The following HRH1 variants were observed in gnomAD, a reference collection of about 807,000 sequenced individuals.
HRH1 encodes histamine H1 receptor.
Under a neutral mutation model 10.3 loss-of-function variants are expected in HRH1, and 6 were observed. The ratio of observed to expected loss-of-function variants is 0.58; its 90% CI spans 0.32 to 1.15. The LOEUF (loss-of-function observed/expected upper bound fraction) is 1.15. HRH1 is among the 50% of genes most tolerant of loss of function. HRH1 has a pLI of 0.05. For synonymous variants in HRH1, 242 were observed against 236.7 expected (o/e 1.02, Z -0.21); for missense variants, 514 against 615.3 (o/e 0.84, Z 1.74).
intron 1 of HRH1, among the ~76,000 whole-genome samples, chr3:11,146,996 A>G (rs1266099484): frequency 6.6e-6 from 1 of 152,210 alleles, no homozygotes; most frequent in Non-Finnish European, 1.5e-5. Context: ...GATAAACCCC[A>G]AAGAAGTAGG....
Position 11,262,676 on chromosome 3 carries a change from A to G in HRH1, c.*2175A>G, listed in dbSNP as rs1939987794. 6.0e-6 allele frequency: 1 copy of G among 167,096 alleles called. No individual in the cohort carries two copies. Among genetic ancestry groups the G allele is most frequent in the South Asian group, 2.1e-4 (1 of 4,830 alleles). 10.4% of individuals were successfully genotyped at this position (167,096 alleles called of 1,614,324 possible). Reference sequence around the variant, plus strand: ...CACACAGACAAGTGGCTAAGTGTCCATTATTTACCTTGAACAATCAAGGCA... The same window carrying G: ...CACACAGACAAGTGGCTAAGTGTCCGTTATTTACCTTGAACAATCAAGGCA... On this transcript the variant is annotated 3_prime_UTR_variant, in exon 2 of 2. Transcript: ENST00000431010.
chr3:11,246,860 A>G (rs1385546491), intron 1 of HRH1, among the ~76,000 whole-genome samples: 1 of 152,064 alleles, frequency 6.6e-6, no homozygotes, highest in Non-Finnish European at 1.5e-5. Context: ...AGTCTGGGCA[A>G]TACAGTGAGA....
Position 11,195,948 on chromosome 3 carries a change from T to A in HRH1, c.-36+41394T>A, listed in dbSNP as rs1195267028. On this transcript the variant is annotated intron_variant, in intron 1 of 1. Transcript: ENST00000431010. ...TGGCAGAAAGCAGCCAGCAACAGCT[T>A]TCGAGTTTTATGCCCCCCAGGAAGA... 2.0e-5 allele frequency among the ~76,000 whole-genome samples: 3 copies of A among 152,182 alleles called. No homozygotes were observed. The East Asian group carries it at 5.8e-4, about 29-fold the overall frequency.
At chr3:11,212,384 C>T (rs1938356956) in intron 1 of HRH1, among the ~76,000 whole-genome samples, 1 of 152,150 alleles carries the variant, frequency 6.6e-6, no homozygotes, top group East Asian at 1.9e-4. Flanking sequence ...TCATTGCAGA[C>T]GTTGGCTTTT....
At chr3:11,227,432 G>T (rs750422749) in intron 1 of HRH1, among the ~76,000 whole-genome samples, 1 of 151,824 alleles carries the variant, frequency 6.6e-6, no homozygotes, top group Non-Finnish European at 1.5e-5. Context: ...GATTACAGGC[G>T]CCCGCCACCA....
At chr3:11,176,014 A>C (rs1308117729) in intron 1 of HRH1, among the ~76,000 whole-genome samples, 1 of 152,026 alleles carries the variant, frequency 6.6e-6, no homozygotes, top group Admixed American at 6.6e-5. Context: ...ATAAATAAAT[A>C]AATACAAAAT....
At chr3:11,237,955 C>T (rs1211870488) in intron 1 of HRH1, among the ~76,000 whole-genome samples, 1 of 152,116 alleles carries the variant, frequency 6.6e-6, no homozygotes, top group Non-Finnish European at 1.5e-5. Flanking sequence ...GGATTGTAGG[C>T]GTGAGCCACT....
intron 1 of HRH1, among the ~76,000 whole-genome samples, chr3:11,165,220 T>G (rs1937007705): frequency 6.6e-6 from 1 of 152,218 alleles, no homozygotes; most frequent in Non-Finnish European, 1.5e-5. Flanking sequence ...CAAGGTATGA[T>G]GCTTGCTGCC....
At position 11,259,997 on chromosome 3, in the gene HRH1, C is replaced by A. The variant is rs1477335045; in HGVS notation, c.960C>A (p.Asp320Glu). The change falls in exon 2 of 2, where the codon GAC becomes GAA. Residue 320 changes from aspartate to glutamate, a missense_variant. Physicochemically the swap from Asp to Glu is conservative, Grantham distance 45. Transcript: ENST00000431010. The surrounding 1 kb of genome is among the most constrained non-coding windows in gnomAD (Gnocchi z 4.6). ...MQAAAEGSSR[D>E]YVAVNRSHGQ... ...CTGCGGCAGAGGGGAGTAGCAGGGA[C>A]TATGTAGCCGTCAACCGGAGCCATG... is the stretch of plus-strand genomic sequence containing the variant. 1.2e-6 allele frequency: 2 copies of A among 1,614,004 alleles called. No homozygotes were observed. The highest frequency in any genetic ancestry group is 2.7e-5 in the African/African-American group (2 of 74,900).
intron 1 of HRH1, among the ~76,000 whole-genome samples, chr3:11,212,821 C>T (rs984900885): frequency 8.7e-5 from 13 of 148,910 alleles, no homozygotes; most frequent in Non-Finnish European, 1.7e-4. Context: ...GCCATGACCA[C>T]GAGGCCCTCC....
intron 1 of HRH1, chr3:11,226,581 A>G (rs1477535512): frequency 6.6e-6 from 1 of 152,134 alleles, no homozygotes; most frequent in African/African-American, 2.4e-5. Context: ...TTGGACTTGA[A>G]TTTCTTTTTA....
At chr3:11,158,534 G>A (rs909257188) in intron 1 of HRH1, among the ~76,000 whole-genome samples, 2 of 152,170 alleles carry the variant, frequency 1.3e-5, no homozygotes, top group Admixed American at 6.5e-5. Context: ...AGAGTGGAAG[G>A]TGTAGTATTT....
rs557276855 is a variant in HRH1 at position 11,238,026 on chromosome 3, T to C, written c.-35-20977T>C. 8.4e-5 allele frequency among the ~76,000 whole-genome samples: 12 copies of C among 142,884 alleles called. No homozygotes were observed. In the South Asian group the frequency reaches 2.3e-3, roughly 27 times the overall value. The allele number at this position is 142,884 out of a possible 152,430, so 93.7% of individuals were successfully genotyped here. On this transcript the variant is annotated intron_variant, in intron 1 of 1. Coordinates refer to ENST00000431010, the MANE Select transcript of HRH1 (RefSeq NM_001098212.2). Reference sequence around the variant, plus strand: ...AGTAAGAGATAACTGAGCTGGGCTTTTAATGCTGCCTTTGTTTGTTTGTTT... The same window carrying C: ...AGTAAGAGATAACTGAGCTGGGCTTCTAATGCTGCCTTTGTTTGTTTGTTT...
intron 1 of HRH1, among the ~76,000 whole-genome samples, chr3:11,250,996 C>T (rs346076): frequency 0.55 from 82,894 of 152,072 alleles, 23,884 homozygotes; most frequent in Non-Finnish European, 0.65. Flanking sequence ...CAATACCTCT[C>T]GCATGAAGGG....
chr3:11,169,764 CT>C (rs1389613782), intron 1 of HRH1, among the ~76,000 whole-genome samples: 16 of 152,234 alleles, frequency 1.1e-4, no homozygotes, highest in Non-Finnish European at 2.1e-4. Context: ...CTTCTGGCTA[CT>C]TTTGTGATTC....
chr3:11,163,616 T>G (rs1197983488), intron 1 of HRH1, among the ~76,000 whole-genome samples: 3 of 152,194 alleles, frequency 2.0e-5, no homozygotes, highest in African/African-American at 7.2e-5. Flanking sequence ...TTGTGAGGCC[T>G]CACCCCTATA....
At chr3:11,142,533 G>A (rs1357738971) in intron 1 of HRH1, among the ~76,000 whole-genome samples, 9 of 152,176 alleles carry the variant, frequency 5.9e-5, no homozygotes, top group Non-Finnish European at 1.2e-4. Flanking sequence ...ATCAGAGATA[G>A]CAATGAGGAC....
chr3:11,238,932 GT>G (rs1235033420), intron 1 of HRH1, among the ~76,000 whole-genome samples: 17 of 152,078 alleles, frequency 1.1e-4, no homozygotes, highest in African/African-American at 4.1e-4. Flanking sequence ...TGAACATTTG[GT>G]TTTTTTCCAC....
At chr3:11,239,506 G>A (rs907969039) in intron 1 of HRH1, among the ~76,000 whole-genome samples, 8 of 152,076 alleles carry the variant, frequency 5.3e-5, no homozygotes, top group African/African-American at 1.9e-4. Flanking sequence ...AAACCCAAAA[G>A]TTTCTCATCT....
Sources: allele counts gnomAD v4.1 joint callset (sites outside exome capture counted in the v4.1 genomes callset), GRCh38; gene constraint gnomAD v4.1.1; non-coding constraint Gnocchi (gnomAD v3.1); transcripts MANE v1.5; gene names NCBI Gene and HGNC (gene_info 2026-07-23, HGNC 2026-07-21).